The following ZNF536 variants were observed in gnomAD, a reference collection of about 807,000 sequenced individuals.
The protein encoded by ZNF536 is zinc finger protein 536.
In ZNF536, 13 loss-of-function variants were observed where a neutral mutation model predicts 84.5. The ratio of observed to expected loss-of-function variants is 0.15; its 90% CI spans 0.10 to 0.24. The LOEUF (loss-of-function observed/expected upper bound fraction) is 0.24, where lower values mean the gene tolerates loss of function less well. Ranked by LOEUF, ZNF536 falls within the 10% of genes least tolerant of loss-of-function variation. The probability of loss-of-function intolerance (pLI) is 1.00; values close to 1 mark genes in which losing one functional copy is unlikely to be tolerated. For missense variants in ZNF536, 1,536 were observed against 1,747.5 expected (o/e 0.88, Z 2.16); for synonymous variants, 811 against 742.5 (o/e 1.09, Z -1.50).
chr19:30,252,998 A>G (rs756757071), intron 1 of ZNF536, among the ~76,000 whole-genome samples: 33 of 152,220 alleles, frequency 2.2e-4, no homozygotes, highest in Non-Finnish European at 4.1e-4. Flanking sequence ...GGTGATGGTG[A>G]TGGTGATGAG....
intron 1 of ZNF536, among the ~76,000 whole-genome samples, chr19:30,617,707 T>A (rs1271137003): frequency 6.6e-6 from 1 of 152,150 alleles, no homozygotes; most frequent in African/African-American, 2.4e-5. Context: ...TTAACCCCTA[T>A]GCCACACAAT....
chr19:30,389,850 T>C (rs888962329), intron 1 of ZNF536, among the ~76,000 whole-genome samples: 8 of 152,128 alleles, frequency 5.3e-5, no homozygotes, highest in Non-Finnish European at 8.8e-5. Flanking sequence ...GGCTGCTGAG[T>C]GTGGCGCAGT....
intron 1 of ZNF536, among the ~76,000 whole-genome samples, chr19:30,582,157 G>A (rs965957986): frequency 2.0e-5 from 3 of 152,058 alleles, no homozygotes; most frequent in African/African-American, 7.2e-5. Context: ...TGGCAGCTGG[G>A]AAAACAATGT....
chr19:30,237,207 T>C (rs2144774507), intron 1 of ZNF536, among the ~76,000 whole-genome samples: 1 of 152,242 alleles, frequency 6.6e-6, no homozygotes, highest in Non-Finnish European at 1.5e-5. Context: ...TCACACAATT[T>C]TTGTGTGATC....
At chr19:30,349,686 C>A (rs1174446574) in intron 2 of ZNF536, among the ~76,000 whole-genome samples, 1 of 152,032 alleles carries the variant, frequency 6.6e-6, no homozygotes. Flanking sequence ...CAGCCCTCGA[C>A]CCTGCCCTCA....
chr19:30,357,983 G>A (rs1290189083), intron 3 of ZNF536, among the ~76,000 whole-genome samples: 4 of 152,186 alleles, frequency 2.6e-5, no homozygotes, highest in African/African-American at 9.7e-5. Flanking sequence ...GGGAGTTGCA[G>A]ACATCTCCTG....
chr19:30,664,951 T>C (rs937596158), intron 1 of ZNF536, among the ~76,000 whole-genome samples: 1 of 152,194 alleles, frequency 6.6e-6, no homozygotes, highest in Non-Finnish European at 1.5e-5. Context: ...CAATAGTGCC[T>C]CCTAGAGGCT....
At chr19:30,226,115 G>T (rs2022596703), upstream of ZNF536, among the ~76,000 whole-genome samples, 1 of 151,820 alleles carries the variant, frequency 6.6e-6, no homozygotes, top group Admixed American at 6.5e-5. This position sits in a 1 kb window ranked among gnomAD's most constrained non-coding sequence, Gnocchi z 4.6. Flanking sequence ...CCCGGCGCGC[G>T]ATCGGGACCC....
At chr19:30,659,280 T>C (rs543972927) in intron 1 of ZNF536, among the ~76,000 whole-genome samples, 36 of 151,776 alleles carry the variant, frequency 2.4e-4, no homozygotes, top group African/African-American at 8.2e-4. Context: ...ACATGCTTCT[T>C]ACATGGCCAG....
At chr19:30,285,113 A>G (rs1231223550) in intron 2 of ZNF536, among the ~76,000 whole-genome samples, 1 of 152,212 alleles carries the variant, frequency 6.6e-6, no homozygotes, top group Non-Finnish European at 1.5e-5. Context: ...GTAATGATTA[A>G]TGTGATCTAA....
rs869076590 is a variant in ZNF536, at chr19:30,326,791, C to CT, written c.-119-25550dup. On this transcript the variant is annotated intron_variant, in intron 2 of 5. Transcript: ENST00000585628. ...ACTGGGAGATTTTTTTTATAAAAAG[C>CT]TTTTTTTTTTTTTTTTTTTTTTTTT... Among the ~76,000 whole-genome samples, 346 of 51,866 alleles carry CT rather than the reference C, an allele frequency of 6.7e-3. 20 individuals are homozygous for CT. Among genetic ancestry groups the CT allele is most frequent in the South Asian group, 0.017 (14 of 818 alleles). The allele number at this position is 51,866 out of a possible 152,430, so 34.0% of individuals were successfully genotyped here. A position where few individuals can be genotyped will look rare whatever the true frequency, so the allele number is the denominator to read the frequency against.
intron 4 of ZNF536, chr19:30,554,651 G>A (rs1269901630): frequency 6.6e-6 from 1 of 152,164 alleles, no homozygotes; most frequent in Non-Finnish European, 1.5e-5. Flanking sequence ...CACAGGCCAT[G>A]GGGTGTCTGT....
intron 1 of ZNF536, among the ~76,000 whole-genome samples, chr19:30,640,023 T>A (rs2049209638): frequency 6.6e-6 from 1 of 152,216 alleles, no homozygotes; most frequent in Non-Finnish European, 1.5e-5. Context: ...GATGGGCAGA[T>A]CACCTGAGGT....
At chr19:30,696,297 C>T (rs1208466661) in intron 1 of ZNF536, among the ~76,000 whole-genome samples, 1 of 152,136 alleles carries the variant, frequency 6.6e-6, no homozygotes, top group Non-Finnish European at 1.5e-5. Flanking sequence ...CTCCCGGCTC[C>T]CCCACTCCAG....
chr19:30,503,176 C>CAT (rs1198085535), intron 2 of ZNF536, among the ~76,000 whole-genome samples: 1 of 152,158 alleles, frequency 6.6e-6, no homozygotes, highest in African/African-American at 2.4e-5. Flanking sequence ...CACACACACA[C>CAT]ACACACACTC....
chr19:30,467,917 G>C (rs2053482156), intron 2 of ZNF536, among the ~76,000 whole-genome samples: 1 of 152,232 alleles, frequency 6.6e-6, no homozygotes, highest in Non-Finnish European at 1.5e-5. Context: ...GGCAAGCTGT[G>C]CCACAGCCCT....
At chr19:30,486,401 T>C (rs1336565215) in intron 2 of ZNF536, among the ~76,000 whole-genome samples, 2 of 152,214 alleles carry the variant, frequency 1.3e-5, no homozygotes, top group Non-Finnish European at 2.9e-5. Flanking sequence ...GGCATCCAGC[T>C]CCATCCATGT....
chr19:30,519,556 G>C (rs374347853), intron 2 of ZNF536, among the ~76,000 whole-genome samples: 1 of 152,178 alleles, frequency 6.6e-6, no homozygotes, highest in Non-Finnish European at 1.5e-5. Context: ...GATTCCCCAC[G>C]TCCAGCTTTC....
At chr19:30,529,649 A>G (rs1032270847) in intron 2 of ZNF536, among the ~76,000 whole-genome samples, 1 of 152,178 alleles carries the variant, frequency 6.6e-6, no homozygotes, top group Non-Finnish European at 1.5e-5. Context: ...TGAGAAGACA[A>G]AATTAGGAAG....
Sources: gnomAD v4.1 joint callset for allele counts (sites outside exome capture counted in the v4.1 genomes callset) on GRCh38, gnomAD v4.1.1 for gene constraint, Gnocchi (gnomAD v3.1) non-coding constraint, MANE v1.5 for transcripts, NCBI Gene and HGNC (gene_info 2026-07-23, HGNC 2026-07-21) for gene names.